The following WDR37 variants were observed in gnomAD, a reference collection of about 807,000 sequenced individuals.
WDR37 encodes WD repeat-containing protein 37.
WDR37 carries 19 observed loss-of-function variants against 62.9 expected under a neutral mutation model. That is an observed-to-expected ratio of 0.30 (90% CI 0.21 to 0.44). The LOEUF (loss-of-function observed/expected upper bound fraction) is 0.44, where lower values mean the gene tolerates loss of function less well. WDR37 is among the 20% of genes least tolerant of loss of function. The pLI is 1.00. For synonymous variants in WDR37, 250 were observed against 260.9 expected, an observed-to-expected ratio of 0.96 and a Z score of 0.40; for missense variants, 474 against 657.6, an observed-to-expected ratio of 0.72 and a Z score of 3.05.
chr10:1,131,384 C>T lies in WDR37; in HGVS notation c.*2040C>T, dbSNP rs905978965. 1.3e-5 allele frequency: 2 copies of T among 152,240 alleles called. No individual in the cohort carries two copies. The highest frequency in any genetic ancestry group is 2.9e-5 in the Non-Finnish European group (2 of 68,042). The allele number at this position is 152,240 out of a possible 1,614,324, so 9.4% of individuals were successfully genotyped here. On this transcript the variant is annotated 3_prime_UTR_variant, in exon 14 of 14. Transcript: ENST00000263150. ...CAAATAGCCAAATCAAACTTAAGAA[C>T]CAGATCTCTGCCAGATTAAACATTT...
rs1389810651 is a variant in WDR37, at chr10:1,130,689, G to C, written c.*1345G>C. 3.3e-5 allele frequency: 5 copies of C among 152,310 alleles called. No homozygotes were observed. The East Asian group carries it at 7.7e-4, about 23-fold the overall frequency. 9.4% of individuals were successfully genotyped at this position (152,310 alleles called of 1,614,324 possible). A position where few individuals can be genotyped will look rare whatever the true frequency, so the allele number is the denominator to read the frequency against. ...ACACAGGAAGGTAATATTTACAGCT[G>C]TCATGTGACATCCCCAGGTCTTTGT... is the stretch of plus-strand genomic sequence containing the variant. On this transcript the variant is annotated 3_prime_UTR_variant, in exon 14 of 14. Transcript: ENST00000263150.
intron 7 of WDR37, among the ~76,000 whole-genome samples, chr10:1,086,669 A>T (rs141056571): frequency 1.3e-5 from 2 of 152,222 alleles, no homozygotes; most frequent in Non-Finnish European, 2.9e-5. Context: ...CACAAAATAC[A>T]TATCTGTTTT....
At chr10:1,104,981 G>A in intron 10 of WDR37, 145 bp from the exon 11 acceptor site, 2 of 994,726 alleles carry the variant, frequency 2.0e-6, no homozygotes, top group Non-Finnish European at 2.8e-6. Context: ...CTGCCCCACT[G>A]TGACCCACAT....
rs750500023 is a variant in WDR37, at chr10:1,077,949, CTGTT to C, written c.184_187del (p.Phe62ValfsTer3). Reference sequence around the variant, plus strand: ...CTCGGTTCGCAGTACACTTCTGGAACTGTTTGGTCAAATAGAAAGAGAATTTGAA... The same window carrying C: ...CTCGGTTCGCAGTACACTTCTGGAACTGGTCAAATAGAAAGAGAATTTGAA... On this transcript the variant is annotated frameshift_variant, in exon 3 of 14. Transcript: ENST00000263150. LOFTEE classifies it high-confidence loss of function. 1.9e-6 allele frequency: 3 copies of C among 1,612,098 alleles called. No individual in the cohort carries two copies. Among genetic ancestry groups the C allele is most frequent in the Non-Finnish European group, 2.5e-6 (3 of 1,179,082 alleles).
chr10:1,074,555 G>A (rs1449272908), intron 2 of WDR37: 2 of 1,302,012 alleles, frequency 1.5e-6, no homozygotes, highest in African/African-American at 1.5e-5. Context: ...GCCCTGGGCG[G>A]GAGAGGTGAG....
chr10:1,099,987 G>C, intron 9 of WDR37, among the ~76,000 whole-genome samples: 1 of 152,086 alleles, frequency 6.6e-6, no homozygotes, highest in East Asian at 1.9e-4. Context: ...GGTGAGGAGG[G>C]TGAGCATTGA....
At chr10:1,076,954 C>A (rs1833896586) in intron 2 of WDR37, among the ~76,000 whole-genome samples, 1 of 149,132 alleles carries the variant, frequency 6.7e-6, no homozygotes, top group African/African-American at 2.5e-5. Flanking sequence ...GAGCCGAGAC[C>A]ACACCATTGC....
chr10:1,128,339 A>G (rs1335647916), intron 13 of WDR37, among the ~76,000 whole-genome samples: 1 of 152,252 alleles, frequency 6.6e-6, no homozygotes, highest in African/African-American at 2.4e-5. Context: ...CACTGCTTAC[A>G]GATATTCTAA....
At chr10:1,094,745 G>C (rs1029404150) in intron 8 of WDR37, among the ~76,000 whole-genome samples, 2 of 152,188 alleles carry the variant, frequency 1.3e-5, no homozygotes, top group Non-Finnish European at 2.9e-5. Flanking sequence ...AATGGACATA[G>C]AGAGGGGAGA....
intron 11 of WDR37, among the ~76,000 whole-genome samples, chr10:1,117,173 C>A (rs1376230100): frequency 6.6e-6 from 1 of 152,082 alleles, no homozygotes; most frequent in Non-Finnish European, 1.5e-5. Context: ...TCCCACCTCA[C>A]CCTCCTGAGT....
intron 1 of WDR37, among the ~76,000 whole-genome samples, chr10:1,071,417 T>A (rs112507028): frequency 1.5e-4 from 23 of 152,300 alleles, no homozygotes; most frequent in African/African-American, 3.6e-4. Context: ...TACCTAAGAT[T>A]GTAGTAAGTA....
intron 7 of WDR37, among the ~76,000 whole-genome samples, chr10:1,088,017 T>G (rs1214887559): frequency 2.0e-5 from 3 of 152,216 alleles, no homozygotes; most frequent in Non-Finnish European, 4.4e-5. Context: ...CCTTGTACTT[T>G]TATGTTGTGG....
intron 1 of WDR37, among the ~76,000 whole-genome samples, chr10:1,062,162 T>C (rs1282978795): frequency 1.3e-5 from 2 of 152,130 alleles, no homozygotes; most frequent in African/African-American, 4.8e-5. Context: ...AAATCTGTAT[T>C]TGGTGCCAAG....
intron 7 of WDR37, among the ~76,000 whole-genome samples, chr10:1,090,614 G>T (rs1020677864): frequency 6.8e-5 from 10 of 148,094 alleles, no homozygotes; most frequent in African/African-American, 1.9e-4. Context: ...CCCAACAGCA[G>T]ACTCCCCGCT....
At chr10:1,107,095 G>A (rs932172444) in intron 11 of WDR37, among the ~76,000 whole-genome samples, 1 of 152,252 alleles carries the variant, frequency 6.6e-6, no homozygotes, top group African/African-American at 2.4e-5. Flanking sequence ...TGCAGCAGGC[G>A]CTGAGCTGGG....
chr10:1,129,673 T>C lies in WDR37; in HGVS notation c.*329T>C. On this transcript the variant is annotated 3_prime_UTR_variant, in exon 14 of 14. Coordinates refer to ENST00000263150, the MANE Select transcript of WDR37 (RefSeq NM_014023.4). ...GCATTACATTTGTGTGAATTAAATG[T>C]GAACTTCTGTATTACGTTGCGGCGT... 2.4e-5 allele frequency: 5 copies of C among 205,108 alleles called. No individual in the cohort carries two copies. Among genetic ancestry groups the C allele is most frequent in the South Asian group, 1.8e-4 (2 of 10,922 alleles). The allele number at this position is 205,108 out of a possible 1,614,324, so 12.7% of individuals were successfully genotyped here.
At chr10:1,074,113 T>C (rs921818940) in intron 2 of WDR37, among the ~76,000 whole-genome samples, 1 of 152,226 alleles carries the variant, frequency 6.6e-6, no homozygotes, top group Non-Finnish European at 1.5e-5. Context: ...AAACTTTTAA[T>C]TACATTGAAA....
chr10:1,108,746 C>CCG (rs1296247467), intron 11 of WDR37, among the ~76,000 whole-genome samples: 3 of 139,738 alleles, frequency 2.1e-5, no homozygotes, highest in African/African-American at 8.3e-5. Context: ...GATGCCCCCC[C>CCG]CCCCCGTGGA....
At chr10:1,093,600 A>T in intron 8 of WDR37, 104 bp downstream of exon 8, 1 of 979,610 alleles carries the variant, frequency 1.0e-6, no homozygotes, top group Non-Finnish European at 1.5e-6. Flanking sequence ...CTTTTATGAA[A>T]GTTAATCTTT....
Sources: gnomAD v4.1 joint callset for allele counts (sites outside exome capture counted in the v4.1 genomes callset) on GRCh38, gnomAD v4.1.1 for gene constraint, MANE v1.5 for transcripts, NCBI Gene and HGNC (gene_info 2026-07-23, HGNC 2026-07-21) for gene names.